Variants in SLFN12L observed in about 807,000 individuals in gnomAD.
The protein encoded by SLFN12L is schlafen family member 12-like.
In SLFN12L, 34 loss-of-function variants were observed where a neutral mutation model predicts 34.8. The observed-to-expected ratio is 0.98, with a 90% CI of 0.74 to 1.30. SLFN12L has a LOEUF of 1.30. Ranked by LOEUF, SLFN12L falls within the 50% of genes most tolerant of loss-of-function variation. The probability of loss-of-function intolerance (pLI) is 0.00; values close to 1 mark genes in which losing one functional copy is unlikely to be tolerated. For synonymous variants in SLFN12L, 259 were observed against 247.5 expected (o/e 1.05, Z -0.44); for missense variants, 703 against 696.2 (o/e 1.01, Z -0.11).
At chr17:35,497,795 G>A (rs1160807095) in intron 2 of SLFN12L, among the ~76,000 whole-genome samples, 1 of 152,136 alleles carries the variant, frequency 6.6e-6, no homozygotes, top group African/African-American at 2.4e-5. Flanking sequence ...TTTAACAAAG[G>A]GTACAACTTC....
rs1914245140 is a variant in SLFN12L at position 35,479,847 on chromosome 17, A to C, written c.435T>G (p.Phe145Leu). 3 of 1,606,704 alleles carry C rather than the reference A, an allele frequency of 1.9e-6. No homozygotes were observed. The highest frequency in any genetic ancestry group is 1.3e-5 in the African/African-American group (1 of 74,598). Residue 145 changes from phenylalanine (F) to leucine (L), a missense_variant, in exon 3 of 5, where the codon TTT becomes TTG. Coordinates refer to ENST00000628453, the MANE Select transcript of SLFN12L (RefSeq NM_001363830.2). ...AGCTCCATGATTTCACAAAAATGTG[A>C]AAGTAGTTACCATTCTGCATGAAGT... is the stretch of plus-strand genomic sequence containing the variant. ...FLDFMQNGNY[F>L]HIFVKSWSLE...
At chr17:35,495,900 AACACACACACACACACACACACACAC>A (rs58553128) in intron 2 of SLFN12L, among the ~76,000 whole-genome samples, 1 of 137,976 alleles carries the variant, frequency 7.2e-6, no homozygotes, top group Admixed American at 7.3e-5. Context: ...GCCGATTTGA[AACACACACACACACACACACACACAC>A]ACACACACAC....
intron 2 of SLFN12L, among the ~76,000 whole-genome samples, chr17:35,518,509 C>T (rs540038228): frequency 1.3e-5 from 2 of 150,720 alleles, no homozygotes; most frequent in East Asian, 3.9e-4. Flanking sequence ...CGAGATCGTG[C>T]CACTGCACTC....
At position 35,470,407 on chromosome 17, in the gene SLFN12L, A is replaced by G. The variant is rs538173171; in HGVS notation, c.*4516T>C. ...AAGTTCCAGATAACAGGCTCTTGTC[A>G]TTTTCCCAATCTTTCCTCATTGCAA... On this transcript the variant is annotated 3_prime_UTR_variant, in exon 5 of 5. Transcript: ENST00000628453. 1 of 154,812 alleles carries G rather than the reference A, an allele frequency of 6.5e-6. No homozygotes were observed. The highest frequency in any genetic ancestry group is 2.0e-4 in the South Asian group (1 of 5,128). 9.6% of individuals were successfully genotyped at this position (154,812 alleles called of 1,614,324 possible).
chr17:35,511,620 A>G (rs1306967134), intron 2 of SLFN12L, among the ~76,000 whole-genome samples: 1 of 148,012 alleles, frequency 6.8e-6, no homozygotes, highest in Non-Finnish European at 1.5e-5. Flanking sequence ...CAGAGCCCCT[A>G]TAGTCCTAGC....
intron 2 of SLFN12L, among the ~76,000 whole-genome samples, chr17:35,483,599 T>C (rs1226306567): frequency 6.6e-6 from 1 of 152,212 alleles, no homozygotes; most frequent in Admixed American, 6.5e-5. Context: ...CAATTTATGG[T>C]ATTTTGTTGT....
intron 2 of SLFN12L, among the ~76,000 whole-genome samples, chr17:35,481,213 G>A (rs967733390): frequency 1.3e-5 from 2 of 152,216 alleles, no homozygotes; most frequent in Non-Finnish European, 2.9e-5. Context: ...AGTGCCTGGG[G>A]AAGGCACCTG....
At chr17:35,516,056 T>G (rs895810573) in intron 2 of SLFN12L, among the ~76,000 whole-genome samples, 1 of 152,184 alleles carries the variant, frequency 6.6e-6, no homozygotes, top group Non-Finnish European at 1.5e-5. Flanking sequence ...AAACACTTAG[T>G]AACATCTTCA....
rs768022740 is a variant in SLFN12L, at chr17:35,479,686, T to TA, written c.595dup (p.Tyr199LeufsTer14). 44 of 1,613,394 alleles carry TA rather than the reference T, an allele frequency of 2.7e-5. No individual in the cohort carries two copies. The highest frequency in any genetic ancestry group is 3.7e-5 in the Non-Finnish European group (44 of 1,179,670). ...TTTTGCAGGGAATTCTGGTCTTAAA[T>TA]ATGCTCTCCCTCCAGTTTTTTCCAT... On this transcript the variant is annotated frameshift_variant, in exon 3 of 5. Coordinates refer to ENST00000628453, the MANE Select transcript of SLFN12L (RefSeq NM_001363830.2). LOFTEE classifies it high-confidence loss of function.
At chr17:35,502,696 T>A (rs1261709318) in intron 2 of SLFN12L, among the ~76,000 whole-genome samples, 1 of 152,012 alleles carries the variant, frequency 6.6e-6, no homozygotes, top group Non-Finnish European at 1.5e-5. Context: ...ACTTACAAGG[T>A]TTTCAACAAA....
At chr17:35,478,260 A>T (rs2142127270) in intron 3 of SLFN12L, 75 bp from the exon 4 acceptor site, 1 of 879,254 alleles carries the variant, frequency 1.1e-6, no homozygotes, top group Non-Finnish European at 1.8e-6. Flanking sequence ...ACTAATGCAC[A>T]GTATACCAAA....
chr17:35,530,486 AAGAAAGAAAGAAAGAAAGAAAG>A (rs2072394358), intron 1 of SLFN12L, among the ~76,000 whole-genome samples: 1 of 53,922 alleles, frequency 1.9e-5, no homozygotes, highest in Non-Finnish European at 4.2e-5. Context: ...GAAAGAAAGA[AAGAAAGAAAGAAAGAAAGAAAG>A]AAAGAAAAGA....
At chr17:35,509,698 A>G (rs1915574323) in intron 2 of SLFN12L, among the ~76,000 whole-genome samples, 1 of 151,792 alleles carries the variant, frequency 6.6e-6, no homozygotes, top group Non-Finnish European at 1.5e-5. Context: ...TTAAAAAAAG[A>G]GACTCTTTTT....
At chr17:35,487,334 A>G (rs1165039806) in intron 2 of SLFN12L, among the ~76,000 whole-genome samples, 1 of 152,262 alleles carries the variant, frequency 6.6e-6, no homozygotes, top group Non-Finnish European at 1.5e-5. Context: ...AGTCTACAAC[A>G]GCCTGCGGTT....
At chr17:35,514,088 A>G (rs1038439008) in intron 2 of SLFN12L, among the ~76,000 whole-genome samples, 1 of 152,250 alleles carries the variant, frequency 6.6e-6, no homozygotes, top group East Asian at 1.9e-4. Context: ...CGTTCAATAC[A>G]TTGAGGAAAG....
At chr17:35,500,870 T>C (rs933697832) in intron 2 of SLFN12L, among the ~76,000 whole-genome samples, 1 of 152,218 alleles carries the variant, frequency 6.6e-6, no homozygotes, top group Non-Finnish European at 1.5e-5. Flanking sequence ...CCCAGTCATA[T>C]ACCCCACTGC....
At chr17:35,529,561 G>A (rs1210286803) in intron 1 of SLFN12L, among the ~76,000 whole-genome samples, 2 of 152,100 alleles carry the variant, frequency 1.3e-5, no homozygotes, top group Non-Finnish European at 2.9e-5. Context: ...GGATGAAGCT[G>A]GAAACCATCA....
At chr17:35,530,518 A>AAAGAAAGAAAG (rs1408212151) in intron 1 of SLFN12L, among the ~76,000 whole-genome samples, 1 of 34,932 alleles carries the variant, frequency 2.9e-5, no homozygotes, top group Non-Finnish European at 7.5e-5. Context: ...GAAAGAAAAG[A>AAAGAAAGAAAG]AAAGAAAAGA....
At chr17:35,532,621 G>A (rs763370442) in intron 1 of SLFN12L, among the ~76,000 whole-genome samples, 8 of 151,962 alleles carry the variant, frequency 5.3e-5, no homozygotes, top group Non-Finnish European at 1.2e-4. Flanking sequence ...GCCAGGCACC[G>A]TGGCTCTCAC....
Sources: allele counts gnomAD v4.1 joint callset (sites outside exome capture counted in the v4.1 genomes callset), GRCh38; gene constraint gnomAD v4.1.1; transcripts MANE v1.5; gene names NCBI Gene and HGNC (gene_info 2026-07-23, HGNC 2026-07-21).